Variants in THEMIS observed in about 807,000 individuals in gnomAD.
The protein encoded by THEMIS is protein THEMIS.
A neutral mutation model predicts 52.6 loss-of-function variants in THEMIS; 37 were observed. The observed-to-expected ratio is 0.70, with a 90% CI of 0.54 to 0.93. The LOEUF (loss-of-function observed/expected upper bound fraction) is 0.93. Ranked by LOEUF, THEMIS falls within the 40% of genes least tolerant of loss-of-function variation. The pLI is 0.00. For synonymous variants in THEMIS, 292 were observed against 272.7 expected (o/e 1.07, Z -0.70); for missense variants, 808 against 763.1 (o/e 1.06, Z -0.69).
chr6:127,780,203 G>C (rs978613802), intron 4 of THEMIS, among the ~76,000 whole-genome samples: 2 of 152,074 alleles, frequency 1.3e-5, no homozygotes, highest in Non-Finnish European at 2.9e-5. Context: ...TGTTTTATCA[G>C]AGACTATGTT....
chr6:127,730,277 TAAAG>T (rs1774721877), intron 4 of THEMIS, among the ~76,000 whole-genome samples: 1 of 54,672 alleles, frequency 1.8e-5, no homozygotes, highest in African/African-American at 5.8e-5. Context: ...CTATAGGAAA[TAAAG>T]AAAAGAAAAG....
chr6:127,699,689 T>G, the THEMIS span, among the ~76,000 whole-genome samples: 1 of 151,800 alleles, frequency 6.6e-6, no homozygotes, highest in African/African-American at 2.4e-5. Flanking sequence ...AAAAGAAGTC[T>G]GTTTAACGAA....
intron 1 of THEMIS, among the ~76,000 whole-genome samples, chr6:127,864,910 G>C (rs895978984): frequency 6.6e-6 from 1 of 152,168 alleles, no homozygotes; most frequent in Non-Finnish European, 1.5e-5. Context: ...CAGTGAAAAA[G>C]GTGCATAGGG....
At chr6:127,782,224 CT>C (rs1284979160) in intron 4 of THEMIS, among the ~76,000 whole-genome samples, 1 of 152,134 alleles carries the variant, frequency 6.6e-6, no homozygotes, top group African/African-American at 2.4e-5. Context: ...TGGATGTTAC[CT>C]TTTTGGGCTC....
At chr6:127,891,924 C>G (rs1175495422) in intron 1 of THEMIS, among the ~76,000 whole-genome samples, 1 of 152,182 alleles carries the variant, frequency 6.6e-6, no homozygotes, top group East Asian at 1.9e-4. Context: ...AGACAAAGCT[C>G]CTTTTGGTCC....
chr6:127,773,952 C>T (rs1396727409), intron 4 of THEMIS, among the ~76,000 whole-genome samples: 1 of 152,180 alleles, frequency 6.6e-6, no homozygotes, highest in Non-Finnish European at 1.5e-5. Context: ...ATTTTATTGT[C>T]TCCACCATTC....
chr6:127,903,336 T>G (rs1221768930), upstream of THEMIS, among the ~76,000 whole-genome samples: 3 of 151,988 alleles, frequency 2.0e-5, no homozygotes, highest in Non-Finnish European at 4.4e-5. Flanking sequence ...AATCATCAAG[T>G]AAAATGAATT....
At chr6:127,786,225 A>G (rs1776943891) in intron 4 of THEMIS, among the ~76,000 whole-genome samples, 1 of 152,202 alleles carries the variant, frequency 6.6e-6, no homozygotes, top group South Asian at 2.1e-4. Flanking sequence ...ACCCTGTTCT[A>G]GCCTACATAT....
intron 4 of THEMIS, among the ~76,000 whole-genome samples, chr6:127,763,400 G>T (rs372683505): frequency 1.4e-4 from 22 of 152,070 alleles, no homozygotes; most frequent in Middle Eastern, 3.4e-3. Context: ...CCAAACAAAA[G>T]TTAATTTTGA....
chr6:127,839,151 C>T (rs12213305), intron 2 of THEMIS, among the ~76,000 whole-genome samples: 6,139 of 152,010 alleles, frequency 0.04, 142 homozygotes, highest in Middle Eastern at 0.065. Flanking sequence ...TTTTATTCTG[C>T]ATTATGTTGA....
At chr6:127,725,581 A>G (rs1389978748) in intron 4 of THEMIS, among the ~76,000 whole-genome samples, 4 of 152,162 alleles carry the variant, frequency 2.6e-5, no homozygotes, top group Non-Finnish European at 5.9e-5. Context: ...ATAAAGGTCC[A>G]TAATATGATA....
At chr6:127,787,880 T>TAGATAGATAC (rs200767496) in intron 4 of THEMIS, among the ~76,000 whole-genome samples, 1 of 119,908 alleles carries the variant, frequency 8.3e-6, no homozygotes, top group Non-Finnish European at 1.9e-5. Context: ...GATAGATAGA[T>TAGATAGATAC]ATAGATAGAT....
intron 1 of THEMIS, among the ~76,000 whole-genome samples, chr6:127,856,775 C>G (rs537914160): frequency 6.6e-6 from 1 of 152,032 alleles, no homozygotes; most frequent in African/African-American, 2.4e-5. Flanking sequence ...ATGTTATCAG[C>G]AGGCTCAAGT....
intron 2 of THEMIS, among the ~76,000 whole-genome samples, chr6:127,851,143 C>G (rs270027): frequency 0.66 from 99,322 of 151,264 alleles, 32,800 homozygotes; most frequent in East Asian, 0.83. Context: ...AAGTCTCAAA[C>G]ACCTATGGGT....
At chr6:127,726,375 T>C (rs1472467434) in intron 4 of THEMIS, among the ~76,000 whole-genome samples, 1 of 152,118 alleles carries the variant, frequency 6.6e-6, no homozygotes, top group Non-Finnish European at 1.5e-5. Context: ...CTGGACTGGC[T>C]GGGACTAGAC....
At chr6:127,844,315 T>G (rs1456556033) in intron 2 of THEMIS, among the ~76,000 whole-genome samples, 2 of 151,944 alleles carry the variant, frequency 1.3e-5, no homozygotes, top group African/African-American at 4.8e-5. Flanking sequence ...GAACAATGTC[T>G]GGTACATCTT....
chr6:127,855,097 A>G lies in THEMIS; in HGVS notation c.183T>C (p.Ala61=), dbSNP rs1779573553. 6.2e-7 allele frequency: 1 copy of G among 1,611,500 alleles called. No individual in the cohort carries two copies. The highest frequency in any genetic ancestry group is 8.5e-7 in the Non-Finnish European group (1 of 1,178,580). Residue 61 remains alanine (A), a synonymous_variant, in exon 2 of 6, where the codon GCT becomes GCC. Transcript: ENST00000368248. The stretch of plus-strand genomic sequence containing the variant: ...AACCTTCAATCTGCTCACAAATTTC[A>G]GCTATGATCTTCTTAACTTTGAGAC... The part of the protein sequence containing the change: ...ITGLKVKKII[A]EICEQIEGCE...
intron 4 of THEMIS, among the ~76,000 whole-genome samples, chr6:127,776,868 A>G (rs1331158207): frequency 6.6e-6 from 1 of 152,196 alleles, no homozygotes; most frequent in Non-Finnish European, 1.5e-5. Flanking sequence ...ATACACATAT[A>G]AGAAATGTGA....
At chr6:127,741,969 T>C (rs1490564335) in intron 4 of THEMIS, among the ~76,000 whole-genome samples, 1 of 152,014 alleles carries the variant, frequency 6.6e-6, no homozygotes, top group Non-Finnish European at 1.5e-5. Context: ...GCAAGGAGGA[T>C]ATGAGCCATT....
Sources: allele counts gnomAD v4.1 joint callset (sites outside exome capture counted in the v4.1 genomes callset), GRCh38; gene constraint gnomAD v4.1.1; transcripts MANE v1.5; gene names NCBI Gene and HGNC (gene_info 2026-07-23, HGNC 2026-07-21).